SCFD2: variants seen among roughly 807,000 people sequenced by gnomAD.
SCFD2 encodes sec1 family domain-containing protein 2.
Under a neutral mutation model 58.9 loss-of-function variants are expected in SCFD2, and 54 were observed. The observed-to-expected ratio is 0.92, with a 90% confidence interval of 0.74 to 1.15. SCFD2 has a LOEUF of 1.15. SCFD2 is among the 50% of genes most tolerant of loss of function. The pLI is 0.00. For missense variants in SCFD2, 805 were observed against 836.6 expected, an observed-to-expected ratio of 0.96 and a Z score of 0.47; for synonymous variants, 321 against 335.9, an observed-to-expected ratio of 0.96 and a Z score of 0.49.
intron 4 of SCFD2, among the ~76,000 whole-genome samples, chr4:53,165,697 G>A (rs185453801): frequency 1.9e-4 from 29 of 152,092 alleles, no homozygotes; most frequent in East Asian, 1.5e-3. Flanking sequence ...TTTATTGTCC[G>A]TCTGATTTCA....
intron 3 of SCFD2, among the ~76,000 whole-genome samples, chr4:53,277,847 T>C (rs547579717): frequency 2.7e-5 from 4 of 148,140 alleles, no homozygotes; most frequent in East Asian, 2.1e-4. Flanking sequence ...GGTCAGGAGA[T>C]GGAGACCATC....
chr4:53,029,043 AC>A (rs1207822278), intron 5 of SCFD2, among the ~76,000 whole-genome samples: 2 of 152,218 alleles, frequency 1.3e-5, no homozygotes, highest in African/African-American at 4.8e-5. Context: ...CCATTCCAGT[AC>A]AAAGAAGGCA....
chr4:53,079,562 T>C (rs1185092860), intron 5 of SCFD2, among the ~76,000 whole-genome samples: 1 of 152,164 alleles, frequency 6.6e-6, no homozygotes, highest in African/African-American at 2.4e-5. Context: ...CTGCAATTAC[T>C]CTATGTGTGC....
intron 4 of SCFD2, among the ~76,000 whole-genome samples, chr4:53,251,617 A>C (rs556483530): frequency 3.3e-5 from 5 of 152,352 alleles, no homozygotes; most frequent in African/African-American, 1.2e-4. Context: ...ATATAAACAG[A>C]ACCAAAGAAA....
rs143295808 is a variant in SCFD2 at position 53,010,220 on chromosome 4, A to G, written c.1562-89350T>C. 8.3e-3 allele frequency among the ~76,000 whole-genome samples: 1,261 copies of G among 152,322 alleles called. 8 individuals carry two copies. Among genetic ancestry groups the G allele is most frequent in the Non-Finnish European group, 0.014 (941 of 68,022 alleles). On this transcript the variant is annotated intron_variant, in intron 5 of 8. Transcript: ENST00000401642. ...AAGAAAACATATTCAACACATTTCT[A>G]TAGCTTTACAAGATCTTGTTTATTC... is the stretch of plus-strand genomic sequence containing the variant.
intron 5 of SCFD2, among the ~76,000 whole-genome samples, chr4:53,088,589 C>T (rs914437491): frequency 2.0e-5 from 3 of 152,048 alleles, no homozygotes; most frequent in African/African-American, 7.2e-5. Context: ...CTATTCTATC[C>T]CTGTCCCACC....
At chr4:53,109,857 G>GA (rs1298367539) in intron 5 of SCFD2, among the ~76,000 whole-genome samples, 5 of 151,904 alleles carry the variant, frequency 3.3e-5, no homozygotes, top group Admixed American at 3.3e-4. Flanking sequence ...CACAGAATTA[G>GA]AAAAAATTAC....
chr4:53,237,958 ACCC>A (rs1266317068), intron 4 of SCFD2, among the ~76,000 whole-genome samples: 1 of 76,930 alleles, frequency 1.3e-5, no homozygotes, highest in Non-Finnish European at 2.6e-5. Context: ...CGAGGGGCTG[ACCC>A]CCCCACCTCC....
chr4:53,112,490 G>T (rs1040304109), intron 5 of SCFD2, among the ~76,000 whole-genome samples: 1 of 152,054 alleles, frequency 6.6e-6, no homozygotes, highest in African/African-American at 2.4e-5. Context: ...CCATCAAAGG[G>T]TCTATCTGCC....
intron 4 of SCFD2, among the ~76,000 whole-genome samples, chr4:53,225,722 T>C (rs1729191347): frequency 6.6e-6 from 1 of 152,228 alleles, no homozygotes; most frequent in African/African-American, 2.4e-5. Flanking sequence ...GAGGAAACTG[T>C]GCCTTAATGA....
At chr4:53,361,713 C>T (rs1734553737) in intron 1 of SCFD2, among the ~76,000 whole-genome samples, 1 of 152,278 alleles carries the variant, frequency 6.6e-6, no homozygotes, top group African/African-American at 2.4e-5. Flanking sequence ...ATAAAATACT[C>T]ATATAAATAT....
chr4:53,329,385 C>T (rs1577972486), intron 2 of SCFD2, among the ~76,000 whole-genome samples: 14 of 150,154 alleles, frequency 9.3e-5, no homozygotes, highest in African/African-American at 2.2e-4. Flanking sequence ...TCCCAGCACG[C>T]AGCTGGAGAT....
In SCFD2 at chr4:53,329,949, C is replaced by T. The variant is rs1733373214; in HGVS notation, c.1008-16186G>A. ...AGGCTCGAGAACTACATGAAGAATG[C>T]AGAAGCCTCAGGAGCTGATGCGATC... On this transcript the variant is annotated intron_variant, in intron 2 of 8. Coordinates refer to ENST00000401642, the MANE Select transcript of SCFD2 (RefSeq NM_152540.4). 2.0e-5 allele frequency among the ~76,000 whole-genome samples: 3 copies of T among 151,758 alleles called. No homozygotes were observed. The South Asian group carries it at 6.3e-4, about 32-fold the overall frequency.
At chr4:52,909,750 T>A (rs1719439874) in intron 6 of SCFD2, among the ~76,000 whole-genome samples, 1 of 152,222 alleles carries the variant, frequency 6.6e-6, no homozygotes, top group Admixed American at 6.5e-5. Flanking sequence ...TATTTAGGGT[T>A]ATCTCTAGGT....
At chr4:53,238,119 A>C (rs1560403361) in intron 4 of SCFD2, among the ~76,000 whole-genome samples, 4 of 112,438 alleles carry the variant, frequency 3.6e-5, no homozygotes, top group African/African-American at 6.9e-5. Flanking sequence ...ACTTCCCAGT[A>C]GGGGTGGCCG....
chr4:52,915,041 G>A (rs1181799322), intron 6 of SCFD2, among the ~76,000 whole-genome samples: 1 of 152,172 alleles, frequency 6.6e-6, no homozygotes, highest in Non-Finnish European at 1.5e-5. Flanking sequence ...ACTGTGTGGT[G>A]GGTCTGGAAG....
At chr4:53,091,031 A>C (rs1724454261) in intron 5 of SCFD2, among the ~76,000 whole-genome samples, 1 of 152,156 alleles carries the variant, frequency 6.6e-6, no homozygotes, top group Non-Finnish European at 1.5e-5. Flanking sequence ...TCATACTTCT[A>C]TATTAATAAC....
chr4:52,928,914 A>T (rs1029406541), intron 5 of SCFD2, among the ~76,000 whole-genome samples: 2 of 152,186 alleles, frequency 1.3e-5, no homozygotes, highest in African/African-American at 4.8e-5. Flanking sequence ...AGACCAAAAA[A>T]ATGACATAAA....
intron 4 of SCFD2, among the ~76,000 whole-genome samples, chr4:53,199,933 GGAA>G (rs1728176069): frequency 2.6e-5 from 4 of 151,844 alleles, no homozygotes; most frequent in Admixed American, 2.6e-4. Flanking sequence ...GAGGGAGGCG[GGAA>G]GAAGAGCAAG....
Sources: gnomAD v4.1 joint callset for allele counts (sites outside exome capture counted in the v4.1 genomes callset) on GRCh38, gnomAD v4.1.1 for gene constraint, MANE v1.5 for transcripts, NCBI Gene and HGNC (gene_info 2026-07-23, HGNC 2026-07-21) for gene names.